NAV3: variants seen among roughly 807,000 people sequenced by gnomAD.
The protein encoded by NAV3 is pore membrane and/or filament interacting like protein 1.
In NAV3, 87 loss-of-function variants were observed where a neutral mutation model predicts 244.7. The observed-to-expected ratio is 0.36, with a 90% CI of 0.30 to 0.42. NAV3 has a LOEUF of 0.42. NAV3 is among the 20% of genes least tolerant of loss of function. The pLI is 1.00. For missense variants in NAV3, 2,663 were observed against 2,893.3 expected, an observed-to-expected ratio of 0.92 and a Z score of 1.83; for synonymous variants, 1,126 against 1,042.2, an observed-to-expected ratio of 1.08 and a Z score of -1.55.
At chr12:77,965,097 G>A (rs1390970244) in intron 3 of NAV3, among the ~76,000 whole-genome samples, 1 of 152,060 alleles carries the variant, frequency 6.6e-6, no homozygotes, top group African/African-American at 2.4e-5. Context: ...ACCTTGCCAA[G>A]TTATTAATTT....
chr12:78,137,231 C>T lies in NAV3; in HGVS notation c.4496C>T (p.Ser1499Leu). ...FNLPGPSMMR[S>L]NSIPAQDSSF... The stretch of plus-strand genomic sequence containing the variant: ...CTTCCCGGGCCCAGCATGATGCGCT[C>T]AAACAGCATCCCAGCCCAAGACTCT... Residue 1499 changes from serine to leucine, a missense_variant, in exon 19 of 40, where the codon TCA becomes TTA. Physicochemically the swap from Ser to Leu is moderately radical, Grantham distance 145. Around this residue, in one of 6 missense-constraint regions of NAV3, gnomAD observed 354 missense variants for 413.0 expected, o/e 0.86. Coordinates refer to ENST00000397909, the MANE Select transcript of NAV3 (RefSeq NM_001024383.2). 6.2e-7 allele frequency: 1 copy of T among 1,613,584 alleles called. No individual in the cohort carries two copies. Among genetic ancestry groups the T allele is most frequent in the South Asian group, 1.1e-5 (1 of 91,028 alleles).
At chr12:78,127,088 A>C in intron 16 of NAV3, 79 bp from the exon 17 acceptor site, 1 of 1,444,086 alleles carries the variant, frequency 6.9e-7, no homozygotes, top group Non-Finnish European at 9.7e-7. Flanking sequence ...TTTATAGTTC[A>C]GAGAACCATT....
chr12:77,734,263 C>CT lies in NAV3; in HGVS notation c.72+162008dup, dbSNP rs954297215. On this transcript the variant is annotated intron_variant, in intron 2 of 8. Coordinates refer to the NAV3 transcript ENST00000550042. ...TCTATTTTCGATGAACCAGTCATTT[C>CT]TTTTTTTTTTTCTCCAATGCTTGTT... Among the ~76,000 whole-genome samples the CT allele has an allele frequency of 5.1e-4, 77 of 149,588 alleles. 1 individual carries two copies. Among genetic ancestry groups the CT allele is most frequent in the African/African-American group, 1.6e-3 (65 of 40,706 alleles).
At chr12:78,052,217 C>T (rs540574997) in intron 11 of NAV3, 10 of 151,528 alleles carry the variant, frequency 6.6e-5, no homozygotes, top group East Asian at 5.8e-4. Flanking sequence ...AAGGGTGACA[C>T]GACCTAAAAA....
intron 2 of NAV3, among the ~76,000 whole-genome samples, chr12:77,773,675 G>A (rs1870211594): frequency 6.6e-6 from 1 of 152,290 alleles, no homozygotes; most frequent in African/African-American, 2.4e-5. Context: ...CTATTGAGGA[G>A]TATGGGGATT....
intron 2 of NAV3, among the ~76,000 whole-genome samples, chr12:77,629,353 G>A (rs1012676986): frequency 6.6e-6 from 1 of 152,212 alleles, no homozygotes; most frequent in Non-Finnish European, 1.5e-5. Flanking sequence ...TACAAACAGA[G>A]CAGAAAATAA....
At chr12:77,808,785 T>TCCACCAGGTGCTCTTTC (rs1335203722) in intron 2 of NAV3, among the ~76,000 whole-genome samples, 3 of 152,170 alleles carry the variant, frequency 2.0e-5, no homozygotes, top group African/African-American at 7.2e-5. Context: ...AGCCCCCGCT[T>TCCACCAGGTGCTCTTTC]CCACCAGGTG....
intron 2 of NAV3, among the ~76,000 whole-genome samples, chr12:77,702,688 A>G (rs992530901): frequency 2.6e-5 from 4 of 151,908 alleles, no homozygotes; most frequent in African/African-American, 7.2e-5. Flanking sequence ...GAAACAAAGT[A>G]TTTTTCTACT....
chr12:78,063,295 A>G (rs1884562305), intron 12 of NAV3, among the ~76,000 whole-genome samples: 1 of 152,202 alleles, frequency 6.6e-6, no homozygotes, highest in Admixed American at 6.6e-5. Context: ...CCTTGCAGAT[A>G]TGTTGGAGAC....
chr12:77,888,133 A>G (rs888101051), intron 1 of NAV3, among the ~76,000 whole-genome samples: 6 of 151,948 alleles, frequency 3.9e-5, no homozygotes, highest in Non-Finnish European at 7.4e-5. Context: ...CAAAAGATTT[A>G]GGAAGGTTAT....
chr12:77,874,241 A>T (rs1677925), intron 1 of NAV3, among the ~76,000 whole-genome samples: 1 of 151,800 alleles, frequency 6.6e-6, no homozygotes, highest in Non-Finnish European at 1.5e-5. Context: ...TTATTTTGAG[A>T]TGAGTCTCAC....
intron 2 of NAV3, among the ~76,000 whole-genome samples, chr12:77,631,217 C>T (rs972122397): frequency 3.3e-5 from 5 of 152,026 alleles, no homozygotes. Context: ...TTCTAAATGG[C>T]CTACTGAACC....
chr12:77,826,325 T>C (rs1873002640), upstream of NAV3, among the ~76,000 whole-genome samples: 1 of 152,090 alleles, frequency 6.6e-6, no homozygotes, highest in African/African-American at 2.4e-5. Flanking sequence ...CTAGCCAATA[T>C]GGTGAAACCC....
chr12:78,131,598 A>C (rs541143449), intron 18 of NAV3, among the ~76,000 whole-genome samples: 83 of 152,284 alleles, frequency 5.5e-4, no homozygotes, highest in Admixed American at 1.4e-3. Context: ...TAATTTGATT[A>C]GTTGACTCCT....
intron 2 of NAV3, among the ~76,000 whole-genome samples, chr12:77,729,647 A>G (rs1877035508): frequency 6.6e-6 from 1 of 151,976 alleles, no homozygotes; most frequent in South Asian, 2.1e-4. Context: ...ATTGGAGGCA[A>G]CAAAAATCAC....
chr12:77,964,435 A>T (rs1892335717), intron 3 of NAV3, among the ~76,000 whole-genome samples: 1 of 152,178 alleles, frequency 6.6e-6, no homozygotes, highest in African/African-American at 2.4e-5. Flanking sequence ...CCATCACATT[A>T]TCTTTCTTAA....
chr12:77,966,383 G>A, intron 4 of NAV3, 82 bp downstream of exon 4: 1 of 1,148,700 alleles, frequency 8.7e-7, no homozygotes, highest in Admixed American at 2.2e-5. Flanking sequence ...ATGTAACATT[G>A]GAGTATACGT....
intron 1 of NAV3, among the ~76,000 whole-genome samples, chr12:77,850,909 C>T (rs1475584708): frequency 1.3e-5 from 2 of 152,196 alleles, no homozygotes; most frequent in African/African-American, 4.8e-5. Flanking sequence ...CTGTTGGCAA[C>T]TATTGCTCAT....
chr12:77,645,566 A>T lies in NAV3; in HGVS notation c.72+73300A>T, dbSNP rs570419433. Among the ~76,000 whole-genome samples, 11 of 149,712 alleles carry T rather than the reference A, an allele frequency of 7.3e-5. 1 individual carries two copies. In the South Asian group the frequency reaches 2.1e-3, roughly 29 times the overall value. ...AAAAAAAAAAAAAAAAAAAACTTTC[A>T]AATCTCTAATTTTCAGGTATTAGCC... On this transcript the variant is annotated intron_variant, in intron 2 of 8. Transcript: ENST00000550042.
Sources: allele counts gnomAD v4.1 joint callset (sites outside exome capture counted in the v4.1 genomes callset), GRCh38; gene constraint gnomAD v4.1.1; regional missense constraint gnomAD v4.1.1; transcripts MANE v1.5; gene names NCBI Gene and HGNC (gene_info 2026-07-23, HGNC 2026-07-21).